The following ACBD6 variants were observed in gnomAD, a reference collection of about 807,000 sequenced individuals.
The protein encoded by ACBD6 is acyl-CoA-binding domain-containing protein 6.
ACBD6 carries 28 observed loss-of-function variants against 37.2 expected under a neutral mutation model. The ratio of observed to expected loss-of-function variants is 0.75; its 90% CI spans 0.56 to 1.03. The LOEUF (loss-of-function observed/expected upper bound fraction) is 1.03. Ranked by LOEUF, ACBD6 falls within the 50% of genes least tolerant of loss-of-function variation. The pLI is 0.00. For synonymous variants in ACBD6, 113 were observed against 126.8 expected, an observed-to-expected ratio of 0.89 and a Z score of 0.73; for missense variants, 340 against 337.4, an observed-to-expected ratio of 1.01 and a Z score of -0.06.
chr1:180,466,740 C>T (rs1033134314), intron 3 of ACBD6, among the ~76,000 whole-genome samples: 4 of 152,112 alleles, frequency 2.6e-5, no homozygotes, highest in African/African-American at 9.7e-5. Flanking sequence ...ATTTTAAGTA[C>T]ATACAACATC....
At chr1:180,406,753 T>C (rs185823677) in intron 5 of ACBD6, among the ~76,000 whole-genome samples, 1 of 152,312 alleles carries the variant, frequency 6.6e-6, no homozygotes, top group African/African-American at 2.4e-5. Context: ...AGGTTGAACC[T>C]GCTGAATTAA....
At chr1:180,396,600 A>G (rs1251700432) in intron 6 of ACBD6, among the ~76,000 whole-genome samples, 1 of 152,208 alleles carries the variant, frequency 6.6e-6, no homozygotes, top group Non-Finnish European at 1.5e-5. Flanking sequence ...ACTCAACAAC[A>G]AAAAGACAAA....
At chr1:180,297,526 G>A (rs1649967088) in intron 7 of ACBD6, among the ~76,000 whole-genome samples, 1 of 152,178 alleles carries the variant, frequency 6.6e-6, no homozygotes, top group Non-Finnish European at 1.5e-5. Context: ...AGGCAGGCAA[G>A]AATTGCCTGT....
intron 2 of ACBD6, 38 bp from the exon 3 acceptor site, chr1:180,492,403 C>T: frequency 6.9e-7 from 1 of 1,451,226 alleles, no homozygotes; most frequent in South Asian, 1.1e-5. Context: ...TGTCATTATG[C>T]AAATAACACA....
chr1:180,335,589 A>G (rs1488590600), intron 6 of ACBD6, among the ~76,000 whole-genome samples: 8 of 152,132 alleles, frequency 5.3e-5, no homozygotes, highest in Non-Finnish European at 1.2e-4. Context: ...GAGGCTATGA[A>G]GAAACTGCAT....
rs10914009 is a variant in ACBD6, at chr1:180,482,056, T to G, written c.384+10213A>C. ...TAGAGAACCTCAATTTAATACCTTATAGTCAACAAAAATTAGATATGAATA... is the reference window on the plus strand; with the variant it reads ...TAGAGAACCTCAATTTAATACCTTAGAGTCAACAAAAATTAGATATGAATA... On this transcript the variant is annotated intron_variant, in intron 3 of 7. Coordinates refer to ENST00000367595, the MANE Select transcript of ACBD6 (RefSeq NM_032360.4). 5.3e-5 allele frequency among the ~76,000 whole-genome samples: 8 copies of G among 152,236 alleles called. No homozygotes were observed. The South Asian group carries it at 1.7e-3, about 32-fold the overall frequency.
At chr1:180,476,564 G>A (rs1040885039) in intron 3 of ACBD6, among the ~76,000 whole-genome samples, 19 of 152,164 alleles carry the variant, frequency 1.2e-4, no homozygotes, top group African/African-American at 4.1e-4. Context: ...AGTGGCTCAC[G>A]CCTATAATCC....
At chr1:180,409,667 A>C (rs913717764) in intron 5 of ACBD6, among the ~76,000 whole-genome samples, 7 of 152,212 alleles carry the variant, frequency 4.6e-5, no homozygotes, top group African/African-American at 1.7e-4. Context: ...TAACCAACAG[A>C]TACTTTGTGT....
At chr1:180,277,558 ATC>A (rs1649107968) in intron 9 of ACBD6, 1 of 152,134 alleles carries the variant, frequency 6.6e-6, no homozygotes, top group African/African-American at 2.4e-5. Flanking sequence ...CTATGGAGGA[ATC>A]TCTGTTTGTT....
intron 10 of ACBD6, chr1:180,274,621 G>A (rs775561854): frequency 3.3e-6 from 5 of 1,513,056 alleles, no homozygotes; most frequent in Non-Finnish European, 4.4e-6. Context: ...TGGCTTGAGA[G>A]AATATCTTCA....
At chr1:180,433,174 G>T (rs887941568) in intron 3 of ACBD6, among the ~76,000 whole-genome samples, 1 of 152,014 alleles carries the variant, frequency 6.6e-6, no homozygotes, top group Non-Finnish European at 1.5e-5. Context: ...TTAACATTAC[G>T]TTAAAAGGAT....
In ACBD6 at chr1:180,274,145, C is replaced by G. The variant is rs372423199; in HGVS notation, c.*937-33G>C. On this transcript the variant is annotated intron_variant, in intron 10 of 13. Transcript: ENST00000642319. ...GTGAAGAGCAGGGGACCATCAGAGT[C>G]CTGGCAGCTGACAATAAATCTCCGT... 13 of 1,613,312 alleles carry G rather than the reference C, an allele frequency of 8.1e-6. 1 individual carries two copies. The highest frequency in any genetic ancestry group is 9.3e-6 in the Non-Finnish European group (11 of 1,179,456).
chr1:180,462,650 C>CTT (rs1650194490), intron 3 of ACBD6, among the ~76,000 whole-genome samples: 1 of 152,188 alleles, frequency 6.6e-6, no homozygotes, highest in Admixed American at 6.5e-5. Flanking sequence ...TAACACCCCA[C>CTT]TGACAATATT....
At chr1:180,380,075 A>G (rs1278053795) in intron 6 of ACBD6, among the ~76,000 whole-genome samples, 3 of 152,144 alleles carry the variant, frequency 2.0e-5, no homozygotes, top group African/African-American at 7.2e-5. Context: ...AGCCCGGGCA[A>G]TATGGTGAAA....
intron 3 of ACBD6, among the ~76,000 whole-genome samples, chr1:180,477,386 A>C (rs1650839891): frequency 6.6e-6 from 1 of 152,216 alleles, no homozygotes. Context: ...AGAATCCTAC[A>C]GTTCCTAAAT....
At chr1:180,391,508 T>C (rs1654076381) in intron 6 of ACBD6, among the ~76,000 whole-genome samples, 1 of 105,642 alleles carries the variant, frequency 9.5e-6, no homozygotes. Context: ...AATAGAAATT[T>C]CCACAATGAA....
chr1:180,476,875 A>C (rs1650817707), intron 3 of ACBD6, among the ~76,000 whole-genome samples: 1 of 152,132 alleles, frequency 6.6e-6, no homozygotes, highest in African/African-American at 2.4e-5. Flanking sequence ...AAAACTCAAA[A>C]ACAACACAAG....
At chr1:180,283,251 G>A (rs762257607), downstream of ACBD6, among the ~76,000 whole-genome samples, 1 of 152,170 alleles carries the variant, frequency 6.6e-6, no homozygotes, top group East Asian at 1.9e-4. Context: ...CCTGCTTTTA[G>A]TGCGTATAAA....
intron 7 of ACBD6, among the ~76,000 whole-genome samples, chr1:180,309,931 C>T (rs1650523161): frequency 6.6e-6 from 1 of 151,992 alleles, no homozygotes; most frequent in African/African-American, 2.4e-5. Context: ...GACAGAAATA[C>T]TATATAAACA....
Sources: gnomAD v4.1 joint callset for allele counts (sites outside exome capture counted in the v4.1 genomes callset) on GRCh38, gnomAD v4.1.1 for gene constraint, MANE v1.5 for transcripts, NCBI Gene and HGNC (gene_info 2026-07-23, HGNC 2026-07-21) for gene names.